Variants in TPPP2 observed in about 807,000 individuals in gnomAD.
TPPP2 encodes tubulin polymerization-promoting protein family member 2.
TPPP2 carries 8 observed loss-of-function variants against 13.0 expected under a neutral mutation model. The ratio of observed to expected loss-of-function variants is 0.62; its 90% CI spans 0.36 to 1.11. The LOEUF (loss-of-function observed/expected upper bound fraction) is 1.11, where lower values mean the gene tolerates loss of function less well. TPPP2 is among the 50% of genes most tolerant of loss of function. The pLI, the probability that TPPP2 is intolerant of heterozygous loss-of-function variation, is 0.02. For synonymous variants in TPPP2, 81 were observed against 81.8 expected (o/e 0.99, Z 0.05); for missense variants, 213 against 216.9 (o/e 0.98, Z 0.11).
At chr14:21,033,978 T>C (rs1213871966), downstream of TPPP2, 1 of 1,613,940 alleles carries the variant, frequency 6.2e-7, no homozygotes, top group Non-Finnish European at 8.5e-7. Context: ...GAGGGAATCC[T>C]GGGTGAGTGT....
chr14:21,030,778 T>G, intron 2 of TPPP2, 24 bp downstream of exon 2: 2 of 1,609,854 alleles, frequency 1.2e-6, no homozygotes, highest in Non-Finnish European at 1.7e-6. Context: ...AATATGGAGG[T>G]GGGGGTGAGA....
chr14:21,035,358 G>A (rs910331582), downstream of TPPP2, among the ~76,000 whole-genome samples: 6 of 152,226 alleles, frequency 3.9e-5, no homozygotes, highest in East Asian at 3.8e-4. Context: ...GGCATGATCC[G>A]TTTCGTACTG....
At position 21,032,228 on chromosome 14, in the gene TPPP2, G is replaced by C; in HGVS notation, c.*151G>C. ...TACTAGTGTAGAGAGAGGGAGAAGA[G>C]GCAGCACAGGAGGGTGGGTTCTCCA... is the stretch of plus-strand genomic sequence containing the variant. On this transcript the variant is annotated 3_prime_UTR_variant, in exon 4 of 4. Coordinates refer to ENST00000321760, the MANE Select transcript of TPPP2 (RefSeq NM_173846.5). 1.2e-5 allele frequency: 10 copies of C among 821,458 alleles called. No individual in the cohort carries two copies. The highest frequency in any genetic ancestry group is 1.8e-5 in the Non-Finnish European group (9 of 491,966). The allele number at this position is 821,458 out of a possible 1,614,324, so 50.9% of individuals were successfully genotyped here.
chr14:21,025,762 G>T, upstream of TPPP2: 14 of 263,104 alleles, frequency 5.3e-5, no homozygotes, highest in South Asian at 1.6e-4. The surrounding 1 kb of genome is among the most constrained non-coding windows in gnomAD (Gnocchi z 5.1). Flanking sequence ...TGGGGGCGGG[G>T]AATGCGGGGG....
upstream of TPPP2, among the ~76,000 whole-genome samples, chr14:21,026,686 C>A (rs911949631): frequency 3.9e-5 from 6 of 152,198 alleles, no homozygotes; most frequent in East Asian, 1.9e-4. Context: ...ATCTAAGGAG[C>A]TCCCCCTACA....
chr14:21,030,507 C>T lies in TPPP2; in HGVS notation c.-69-6C>T. On this transcript the variant is annotated splice_polypyrimidine_tract_variant and splice_region_variant and intron_variant, in intron 1 of 3. Coordinates refer to ENST00000321760, the MANE Select transcript of TPPP2 (RefSeq NM_173846.5). ...TACCATAACACTCATCCTCATTACT[C>T]CACAGTCCTCCCTCCCCCTTCTCCT... The T allele has an allele frequency of 5.4e-6, 8 of 1,475,328 alleles. No individual in the cohort carries two copies. The highest frequency in any genetic ancestry group is 7.4e-6 in the Non-Finnish European group (8 of 1,082,514). The allele number at this position is 1,475,328 out of a possible 1,614,324, so 91.4% of individuals were successfully genotyped here.
At chr14:21,024,610 G>A (rs1244533091) in intron 1 of TPPP2, 2 of 985,314 alleles carry the variant, frequency 2.0e-6, no homozygotes, top group East Asian at 1.1e-4. Context: ...TCTCCGTGTA[G>A]GTCCCACGAG....
At position 21,032,551 on chromosome 14, in the gene TPPP2, G is replaced by A; in HGVS notation, c.*474G>A. ...CTGTTGCAATTCAGGTTTTTTGGGT[G>A]GAGGAGTAGAAGCCAGCTAAGGTTG... On this transcript the variant is annotated 3_prime_UTR_variant, in exon 4 of 4. Coordinates refer to ENST00000321760, the MANE Select transcript of TPPP2 (RefSeq NM_173846.5). The A allele has an allele frequency of 2.9e-6, 1 of 346,828 alleles. No homozygotes were observed. The highest frequency in any genetic ancestry group is 2.1e-5 in the South Asian group (1 of 46,664). 21.5% of individuals were successfully genotyped at this position (346,828 alleles called of 1,614,324 possible).
At chr14:21,031,654 C>A (rs141400462) in intron 3 of TPPP2, among the ~76,000 whole-genome samples, 1 of 152,102 alleles carries the variant, frequency 6.6e-6, no homozygotes, top group East Asian at 1.9e-4. Context: ...AAAAACCTAC[C>A]CTCCCTCTGC....
intron 2 of TPPP2, 78 bp from the exon 3 acceptor site, chr14:21,030,934 T>C: frequency 6.5e-7 from 1 of 1,545,604 alleles, no homozygotes; most frequent in South Asian, 1.3e-5. Context: ...AGGCCAAATC[T>C]GAGTGAGGCA....
chr14:21,035,207 C>A (rs2139095530), downstream of TPPP2, among the ~76,000 whole-genome samples: 1 of 152,370 alleles, frequency 6.6e-6, no homozygotes, highest in East Asian at 1.9e-4. Flanking sequence ...GTCACACCCA[C>A]AGCCTTCACC....
chr14:21,030,976 G>T, intron 2 of TPPP2, 36 bp from the exon 3 acceptor site: 9 of 1,578,626 alleles, frequency 5.7e-6, no homozygotes, highest in Non-Finnish European at 6.0e-6. Flanking sequence ...ATGCATTCAT[G>T]CTCCAAAGTT....
rs765673385 is a variant in TPPP2 at position 21,031,159 on chromosome 14, C to T, written c.321C>T (p.Gly107=). ...AGGGCAAAGACCCAGCCACCACTGG[C>T]GCTACTGTGAGTGACAGCCTTCATC... is the stretch of plus-strand genomic sequence containing the variant. ...LMEGKDPATT[G]ATKATTVGAV... Residue 107 remains glycine, a synonymous_variant, in exon 3 of 4, where the codon GGC becomes GGT. Transcript: ENST00000321760. The T allele has an allele frequency of 3.3e-5, 53 of 1,613,352 alleles. No homozygotes were observed. The highest frequency in any genetic ancestry group is 2.9e-4 in the African/African-American group (22 of 74,888).
At position 21,025,211 on chromosome 14, in the gene TPPP2, C is replaced by T. The variant is rs936692013; in HGVS notation, n.236+867C>T. On this transcript the variant is annotated intron_variant and non_coding_transcript_variant, in intron 1 of 1. Transcript: ENST00000533755. This position sits in a 1 kb window ranked among gnomAD's most constrained non-coding sequence, Gnocchi z 5.1. ...CTTTCACCCCGCCCAGACTGCCGCTCAGGAAAGGGTTGTGCTGGGGCCGGG... is the reference window on the plus strand; with the variant it reads ...CTTTCACCCCGCCCAGACTGCCGCTTAGGAAAGGGTTGTGCTGGGGCCGGG... 2.3e-6 allele frequency: 2 copies of T among 866,326 alleles called. No individual in the cohort carries two copies. Among genetic ancestry groups the T allele is most frequent in the African/African-American group, 3.6e-5 (2 of 54,886 alleles). 53.7% of individuals were successfully genotyped at this position (866,326 alleles called of 1,614,324 possible). A position where few individuals can be genotyped will look rare whatever the true frequency, so the allele number is the denominator to read the frequency against.
downstream of TPPP2, chr14:21,035,845 C>A (rs1214408608): frequency 4.4e-6 from 2 of 456,258 alleles, no homozygotes; most frequent in Non-Finnish European, 8.8e-6. Flanking sequence ...GACCCCTCCA[C>A]CTCCCCAATC....
Position 21,032,638 on chromosome 14 carries a change from C to G in TPPP2, c.*561C>G. 5.9e-6 allele frequency: 2 copies of G among 341,774 alleles called. No homozygotes were observed. Among genetic ancestry groups the G allele is most frequent in the Non-Finnish European group, 5.7e-6 (1 of 176,502 alleles). 21.2% of individuals were successfully genotyped at this position (341,774 alleles called of 1,614,324 possible). On this transcript the variant is annotated 3_prime_UTR_variant, in exon 4 of 4. Transcript: ENST00000321760. ...TAAGGGGAGAGTCTATTTTCAACAC[C>G]CAGCCCAGAACTAAGTTTTACCCCA...
rs915139170 is a variant in TPPP2 at position 21,025,083 on chromosome 14, C to A, written n.236+739C>A. 3.8e-5 allele frequency: 37 copies of A among 986,062 alleles called. No homozygotes were observed. The highest frequency in any genetic ancestry group is 4.2e-5 in the Non-Finnish European group (35 of 830,618). 61.1% of individuals were successfully genotyped at this position (986,062 alleles called of 1,614,324 possible). On this transcript the variant is annotated intron_variant and non_coding_transcript_variant, in intron 1 of 1. Coordinates refer to the TPPP2 transcript ENST00000533755. This position sits in a 1 kb window ranked among gnomAD's most constrained non-coding sequence, Gnocchi z 5.1. ...ACTTGCCTTTGACTCGGGCCCGCCC[C>A]GGCTCGGGCTTCCCGCAGACCCGCC... is the stretch of plus-strand genomic sequence containing the variant.
Position 21,030,498 on chromosome 14 carries a change from C to T in TPPP2, c.-69-15C>T, listed in dbSNP as rs1884003876. On this transcript the variant is annotated splice_polypyrimidine_tract_variant and intron_variant, in intron 1 of 3. Coordinates refer to ENST00000321760, the MANE Select transcript of TPPP2 (RefSeq NM_173846.5). ...GACTGATTTTACCATAACACTCATCCTCATTACTCCACAGTCCTCCCTCCC... is the reference window on the plus strand; with the variant it reads ...GACTGATTTTACCATAACACTCATCTTCATTACTCCACAGTCCTCCCTCCC... 1 of 1,406,454 alleles carries T rather than the reference C, an allele frequency of 7.1e-7. No individual in the cohort carries two copies. Among genetic ancestry groups the T allele is most frequent in the South Asian group, 1.4e-5 (1 of 73,340 alleles). The allele number at this position is 1,406,454 out of a possible 1,614,324, so 87.1% of individuals were successfully genotyped here.
At chr14:21,031,819 C>A in intron 3 of TPPP2, 73 bp from the exon 4 acceptor site, 3 of 1,506,898 alleles carry the variant, frequency 2.0e-6, no homozygotes, top group Non-Finnish European at 2.7e-6. Flanking sequence ...CTAAGTATCT[C>A]GGGCCATCTT....
Sources: gnomAD v4.1 joint callset for allele counts (sites outside exome capture counted in the v4.1 genomes callset) on GRCh38, gnomAD v4.1.1 for gene constraint, Gnocchi (gnomAD v3.1) non-coding constraint, MANE v1.5 for transcripts, NCBI Gene and HGNC (gene_info 2026-07-23, HGNC 2026-07-21) for gene names.